Variants in ANO2 observed in about 807,000 individuals in gnomAD.
The protein encoded by ANO2 is anoctamin 2, also known as anoctamin-2.
In ANO2, 101 loss-of-function variants were observed where a neutral mutation model predicts 124.2. The observed-to-expected ratio is 0.81, with a 90% CI of 0.69 to 0.96. The LOEUF is 0.96. ANO2 is among the 40% of genes least tolerant of loss of function. ANO2 has a pLI of 0.00. For synonymous variants in ANO2, 486 were observed against 482.5 expected, an observed-to-expected ratio of 1.01 and a Z score of -0.09; for missense variants, 1,293 against 1,274.5, an observed-to-expected ratio of 1.01 and a Z score of -0.22.
chr12:5,869,795 T>C (rs1955523170), intron 3 of ANO2, among the ~76,000 whole-genome samples: 1 of 152,150 alleles, frequency 6.6e-6, no homozygotes, highest in Admixed American at 6.5e-5. Context: ...CGAGAGTGGC[T>C]TCCCTGAGAC....
intron 3 of ANO2, among the ~76,000 whole-genome samples, chr12:5,901,314 T>C (rs957772887): frequency 6.6e-6 from 1 of 152,162 alleles, no homozygotes. Context: ...AAGAAATTGC[T>C]GGGGGATTCA....
intron 3 of ANO2, among the ~76,000 whole-genome samples, chr12:5,854,497 A>G (rs1029593523): frequency 2.6e-5 from 4 of 152,062 alleles, no homozygotes; most frequent in Non-Finnish European, 5.9e-5. Flanking sequence ...TACACTCTTA[A>G]TAACAAGTGG....
Position 5,689,784 on chromosome 12 carries a change from A to C in ANO2, c.1546-41983T>G, listed in dbSNP as rs543824225. 6.6e-5 allele frequency among the ~76,000 whole-genome samples: 10 copies of C among 152,274 alleles called. No homozygotes were observed. In the East Asian group the frequency reaches 1.9e-3, roughly 29 times the overall value. On this transcript the variant is annotated intron_variant, in intron 14 of 24. Coordinates refer to ENST00000682330, the MANE Select transcript of ANO2 (RefSeq NM_001364791.2). Reference sequence around the variant, plus strand: ...GATCTTCCCTGTGGCTCAGCTTAAGATGTGGCCTTATTGAGTCCCCAGCCA... The same window carrying C: ...GATCTTCCCTGTGGCTCAGCTTAAGCTGTGGCCTTATTGAGTCCCCAGCCA...
intron 4 of ANO2, among the ~76,000 whole-genome samples, chr12:5,835,475 AG>A (rs2137223982): frequency 6.6e-6 from 1 of 152,356 alleles, no homozygotes; most frequent in Admixed American, 6.5e-5. Context: ...TTCCGAAACA[AG>A]GAGACTGTTG....
chr12:5,801,105 C>T (rs1953024540), intron 9 of ANO2, among the ~76,000 whole-genome samples: 1 of 152,158 alleles, frequency 6.6e-6, no homozygotes, highest in Non-Finnish European at 1.5e-5. Flanking sequence ...TGGGTCAGGT[C>T]AGATGAGCAG....
At chr12:5,807,107 G>A (rs1953220607) in intron 8 of ANO2, among the ~76,000 whole-genome samples, 1 of 152,166 alleles carries the variant, frequency 6.6e-6, no homozygotes, top group South Asian at 2.1e-4. Flanking sequence ...GGAAATCATT[G>A]CCGAGACAGT....
chr12:5,599,616 G>A lies in ANO2; in HGVS notation c.2101C>T (p.Leu701=). ...FEIGVPKLKK[L]FRKLKDETEA... ...GTCTCATCTTTCAGCTTTCGAAATA[G>A]TTTCTTTAGCTTCCTGGAAAAGAAA... Residue 701 remains leucine (L), a synonymous_variant, in exon 20 of 25, where the codon CTA becomes TTA. Coordinates refer to ENST00000682330, the MANE Select transcript of ANO2 (RefSeq NM_001364791.2). The A allele has an allele frequency of 1.2e-6, 2 of 1,613,760 alleles. No individual in the cohort carries two copies.
chr12:5,917,550 A>C (rs1437255552), intron 3 of ANO2, among the ~76,000 whole-genome samples: 3 of 145,276 alleles, frequency 2.1e-5, no homozygotes, highest in Non-Finnish European at 4.5e-5. Context: ...TACTGTTATT[A>C]TTATTCTCTT....
intron 1 of ANO2, among the ~76,000 whole-genome samples, chr12:5,932,792 G>A (rs886906930): frequency 3.9e-5 from 6 of 152,100 alleles, no homozygotes; most frequent in Admixed American, 2.6e-4. Context: ...TGGGAGGAGA[G>A]TCAACATGAA....
chr12:5,843,294 A>T (rs1236068874), intron 4 of ANO2, among the ~76,000 whole-genome samples: 1 of 152,204 alleles, frequency 6.6e-6, no homozygotes. Flanking sequence ...TCACACCTGT[A>T]ATCCCAGAAC....
chr12:5,649,740 G>A (rs987874827), intron 14 of ANO2, among the ~76,000 whole-genome samples: 9 of 152,152 alleles, frequency 5.9e-5, no homozygotes, highest in Non-Finnish European at 8.8e-5. Context: ...GACTAGCTGG[G>A]ACTACAGGCA....
At chr12:5,819,360 G>A (rs973516111) in intron 7 of ANO2, among the ~76,000 whole-genome samples, 2 of 152,196 alleles carry the variant, frequency 1.3e-5, no homozygotes, top group Non-Finnish European at 2.9e-5. Context: ...ACAGGCATGG[G>A]AATGGATATT....
At chr12:5,675,806 T>C (rs1948215782) in intron 14 of ANO2, among the ~76,000 whole-genome samples, 1 of 152,222 alleles carries the variant, frequency 6.6e-6, no homozygotes, top group Non-Finnish European at 1.5e-5. Context: ...CTGTGCATTC[T>C]CATCTGCTGT....
At chr12:5,734,479 T>C (rs1404833834) in intron 13 of ANO2, among the ~76,000 whole-genome samples, 1 of 152,172 alleles carries the variant, frequency 6.6e-6, no homozygotes, top group Non-Finnish European at 1.5e-5. Context: ...GCACAGGGGC[T>C]AAGGGAGGCA....
At chr12:5,619,804 A>G (rs1209124427) in intron 16 of ANO2, among the ~76,000 whole-genome samples, 1 of 152,250 alleles carries the variant, frequency 6.6e-6, no homozygotes, top group Non-Finnish European at 1.5e-5. Context: ...TTTCTCCTGA[A>G]TGTGCTCCAA....
intron 11 of ANO2, among the ~76,000 whole-genome samples, chr12:5,748,404 G>A (rs1951332875): frequency 6.6e-6 from 1 of 152,194 alleles, no homozygotes; most frequent in African/African-American, 2.4e-5. Context: ...ACCCAGGCAA[G>A]CCCACGTGAA....
chr12:5,798,196 G>A (rs1393582103), intron 10 of ANO2, among the ~76,000 whole-genome samples: 2 of 151,926 alleles, frequency 1.3e-5, no homozygotes, highest in East Asian at 3.9e-4. Context: ...CCAGAGAACA[G>A]TCTAGGTGGC....
intron 10 of ANO2, among the ~76,000 whole-genome samples, chr12:5,783,157 A>G (rs1228542176): frequency 6.6e-6 from 1 of 152,162 alleles, no homozygotes; most frequent in African/African-American, 2.4e-5. Flanking sequence ...CCCATCTCTC[A>G]CACAAATGCC....
intron 19 of ANO2, among the ~76,000 whole-genome samples, chr12:5,610,972 C>CTTTTTTTTTTTTTTTTTTGCTT (rs34792083): frequency 8.8e-6 from 1 of 113,642 alleles, no homozygotes; most frequent in African/African-American, 3.2e-5. Flanking sequence ...AACTTCTCTG[C>CTTTTTTTTTTTTTTTTTTGCTT]TTTTTTTTTT....
Sources: allele counts gnomAD v4.1 joint callset (sites outside exome capture counted in the v4.1 genomes callset), GRCh38; gene constraint gnomAD v4.1.1; transcripts MANE v1.5; gene names NCBI Gene and HGNC (gene_info 2026-07-23, HGNC 2026-07-21).